Variants in ABCB1 observed in about 807,000 individuals in gnomAD.
ABCB1 encodes the protein ATP-dependent translocase ABCB1.
ABCB1 carries 69 observed loss-of-function variants against 142.0 expected under a neutral mutation model. The ratio of observed to expected loss-of-function variants is 0.49; its 90% CI spans 0.40 to 0.59. The LOEUF (loss-of-function observed/expected upper bound fraction) is 0.59, where lower values mean the gene tolerates loss of function less well. Ranked by LOEUF, ABCB1 falls within the 20% of genes least tolerant of loss-of-function variation. The pLI is 0.00. For missense variants in ABCB1, 1,326 were observed against 1,554.7 expected (o/e 0.85, Z 2.47); for synonymous variants, 532 against 539.2 (o/e 0.99, Z 0.18).
At chr7:87,522,342 C>T (rs2373589) in intron 21 of ABCB1, 149,876 of 735,994 alleles carry the variant, frequency 0.2, 17,860 homozygotes, top group East Asian at 0.45. Flanking sequence ...CAGTACTTTG[C>T]CAAACCATGA....
Position 87,504,528 on chromosome 7 carries a change from G to A in ABCB1, c.3637-79C>T, listed in dbSNP as rs1237591218. 12 of 1,563,996 alleles carry A rather than the reference G, an allele frequency of 7.7e-6. No individual in the cohort carries two copies. In the African/African-American group the frequency reaches 1.1e-4, roughly 14 times the overall value. On this transcript the variant is annotated intron_variant, in intron 27 of 27. Coordinates refer to ENST00000622132, the MANE Select transcript of ABCB1 (RefSeq NM_001348946.2). ...TCTTCCATAAAAAGCTCCACAGTAG[G>A]ACGGGCATGGTGGCTCACGCCTGTA... is the stretch of plus-strand genomic sequence containing the variant.
intron 1 of ABCB1, among the ~76,000 whole-genome samples, chr7:87,624,067 T>G (rs569685532): frequency 6.6e-6 from 1 of 152,364 alleles, no homozygotes; most frequent in East Asian, 1.9e-4. Flanking sequence ...TGTCTATGAT[T>G]TGAGTTTTAA....
chr7:87,627,895 C>CA (rs1172210514), intron 1 of ABCB1: 2 of 152,324 alleles, frequency 1.3e-5, no homozygotes, highest in Non-Finnish European at 2.9e-5. Context: ...GAAATGTCGG[C>CA]ACTAGACGCG....
At chr7:87,581,402 A>T (rs889975813) in intron 4 of ABCB1, among the ~76,000 whole-genome samples, 1 of 152,196 alleles carries the variant, frequency 6.6e-6, no homozygotes, top group Non-Finnish European at 1.5e-5. Context: ...GATAGTGGCC[A>T]GTCTCATAAG....
chr7:87,606,913 C>G (rs17328260), intron 1 of ABCB1, among the ~76,000 whole-genome samples: 4,562 of 152,046 alleles, frequency 0.03, 64 homozygotes, highest in Middle Eastern at 0.048. Context: ...GGAGTTTGCT[C>G]CTTATTAAGG....
chr7:87,548,963 T>C (rs144209688), intron 14 of ABCB1, among the ~76,000 whole-genome samples: 170 of 152,324 alleles, frequency 1.1e-3, no homozygotes, highest in African/African-American at 3.5e-3. Context: ...AGGTTGTATT[T>C]TTCTCTTCTT....
At position 87,515,374 on chromosome 7, in the gene ABCB1, G is replaced by A. The variant is rs751009298; in HGVS notation, c.3139C>T (p.Arg1047Ter). Residue 1047 changes from arginine to a stop codon, truncating the protein, a stop_gained, in exon 25 of 28, where the codon CGA becomes TGA. Transcript: ENST00000622132. LOFTEE classifies it high-confidence loss of function. ...CCCTGAAGCACTGGGATGTCCGGTC[G>A]GGTGGGATAGTTGAATACAACTTCA... The part of the protein sequence containing the change: ...FGEVVFNYPT[R>*]PDIPVLQGLS... 10 of 1,614,008 alleles carry A rather than the reference G, an allele frequency of 6.2e-6. No individual in the cohort carries two copies. Among genetic ancestry groups the A allele is most frequent in the Non-Finnish European group, 7.6e-6 (9 of 1,180,022 alleles).
intron 1 of ABCB1, among the ~76,000 whole-genome samples, chr7:87,626,090 A>G (rs1200955873): frequency 1.0e-5 from 1 of 99,604 alleles, no homozygotes. Flanking sequence ...ATATATATAT[A>G]TATATATATT....
chr7:87,557,754 T>G (rs1040374284), intron 8 of ABCB1, among the ~76,000 whole-genome samples: 1 of 152,236 alleles, frequency 6.6e-6, no homozygotes, highest in Non-Finnish European at 1.5e-5. Flanking sequence ...AAGTTACAAA[T>G]GTTGGGCTTC....
chr7:87,698,351 C>T (rs984456394), intron 1 of ABCB1, among the ~76,000 whole-genome samples: 1 of 152,168 alleles, frequency 6.6e-6, no homozygotes, highest in Non-Finnish European at 1.5e-5. Context: ...ACCTCGGCCT[C>T]CCAAAGTGCT....
intron 23 of ABCB1, among the ~76,000 whole-genome samples, chr7:87,517,035 C>A (rs1038584134): frequency 6.6e-6 from 1 of 152,022 alleles, no homozygotes; most frequent in Admixed American, 6.6e-5. Flanking sequence ...CCATGCCTGG[C>A]CAAAAGTTGA....
At chr7:87,616,685 G>A (rs900660841) in intron 1 of ABCB1, among the ~76,000 whole-genome samples, 2 of 152,150 alleles carry the variant, frequency 1.3e-5, no homozygotes, top group Non-Finnish European at 2.9e-5. Context: ...ATTACCATAT[G>A]TACTATCATT....
At chr7:87,649,497 ATGTT>A (rs1203510822) in intron 1 of ABCB1, among the ~76,000 whole-genome samples, 17 of 152,294 alleles carry the variant, frequency 1.1e-4, no homozygotes, top group Admixed American at 8.5e-4. Flanking sequence ...TGCAAATAAA[ATGTT>A]TGTTTGTGCT....
At chr7:87,638,345 T>TTGTGTGTG (rs71524692) in intron 1 of ABCB1, among the ~76,000 whole-genome samples, 1,703 of 144,776 alleles carry the variant, frequency 0.012, 13 homozygotes, top group African/African-American at 0.025. Context: ...AAGTATGTGT[T>TTGTGTGTG]TGTGTGTGTG....
intron 1 of ABCB1, among the ~76,000 whole-genome samples, chr7:87,626,095 T>C (rs1820443163): frequency 7.9e-6 from 1 of 126,884 alleles, no homozygotes; most frequent in Non-Finnish European, 1.7e-5. Flanking sequence ...TATATATATA[T>C]ATATTGTCAT....
chr7:87,583,573 G>A (rs1170903185), intron 4 of ABCB1, among the ~76,000 whole-genome samples: 1 of 152,158 alleles, frequency 6.6e-6, no homozygotes, highest in African/African-American at 2.4e-5. Context: ...CAGCTGGCAA[G>A]CTGTGGTGAT....
chr7:87,598,534 C>G (rs958055887), intron 2 of ABCB1, among the ~76,000 whole-genome samples: 13 of 152,214 alleles, frequency 8.5e-5, no homozygotes, highest in Admixed American at 5.2e-4. Flanking sequence ...TTAGATACAA[C>G]ATTTTTCTGA....
chr7:87,624,844 A>G (rs960029980), intron 1 of ABCB1, among the ~76,000 whole-genome samples: 1 of 152,228 alleles, frequency 6.6e-6, no homozygotes, highest in Non-Finnish European at 1.5e-5. Flanking sequence ...CAGTGTAATG[A>G]CACTCCATAC....
intron 1 of ABCB1, among the ~76,000 whole-genome samples, chr7:87,689,269 C>G (rs1010996607): frequency 3.9e-5 from 6 of 151,958 alleles, no homozygotes; most frequent in African/African-American, 1.4e-4. Context: ...AATTGATGAT[C>G]TCTGATGGTA....
Sources: allele counts gnomAD v4.1 joint callset (sites outside exome capture counted in the v4.1 genomes callset), GRCh38; gene constraint gnomAD v4.1.1; transcripts MANE v1.5; gene names NCBI Gene and HGNC (gene_info 2026-07-23, HGNC 2026-07-21).